The following KCNN2 variants were observed in gnomAD, a reference collection of about 807,000 sequenced individuals.
KCNN2 encodes the protein potassium calcium-activated channel subfamily N member 2.
A neutral mutation model predicts 55.5 loss-of-function variants in KCNN2; 24 were observed. The observed-to-expected ratio is 0.43, with a 90% CI of 0.31 to 0.61. The LOEUF (loss-of-function observed/expected upper bound fraction) is 0.61. Among genes scored for constraint, KCNN2 ranks in the 20% least tolerant of loss-of-function variants. KCNN2 has a pLI of 0.08. For synonymous variants in KCNN2, 431 were observed against 336.1 expected, an observed-to-expected ratio of 1.28 and a Z score of -3.09; for missense variants, 754 against 853.6, an observed-to-expected ratio of 0.88 and a Z score of 1.45.
At position 114,478,715 on chromosome 5, in the gene KCNN2, C is replaced by G. The variant is rs146542157; in HGVS notation, c.1890+5551C>G. On this transcript the variant is annotated intron_variant, in intron 5 of 7. Coordinates refer to ENST00000673685, the MANE Select transcript of KCNN2 (RefSeq NM_021614.4). ...AACAGTAGACCCCTCAGCAGAAATCCTACAAGGCAGAAGAGACTGGGGGCC... is the reference window on the plus strand; with the variant it reads ...AACAGTAGACCCCTCAGCAGAAATCGTACAAGGCAGAAGAGACTGGGGGCC... Among the ~76,000 whole-genome samples the G allele has an allele frequency of 1.6e-3, 248 of 152,194 alleles. 2 individuals are homozygous for G. The highest frequency in any genetic ancestry group is 5.9e-3 in the African/African-American group (245 of 41,534).
rs115693597 is a variant in KCNN2 at position 114,382,737 on chromosome 5, C to G, written c.1218+18736C>G. Among the ~76,000 whole-genome samples the G allele has an allele frequency of 5.7e-3, 872 of 152,172 alleles. 8 individuals carry two copies. Among genetic ancestry groups the G allele is most frequent in the African/African-American group, 0.02 (838 of 41,498 alleles). ...TTGTGCCACAAAATAAACTTTCTAC[C>G]AAAAAACAAATGGATGGATGGCGTC... On this transcript the variant is annotated intron_variant, in intron 2 of 7. Transcript: ENST00000673685.
chr5:114,160,491 G>A (rs1580572682), intron 1 of KCNN2, among the ~76,000 whole-genome samples: 2 of 152,242 alleles, frequency 1.3e-5, no homozygotes, highest in South Asian at 2.1e-4. Context: ...TTGATTTGGG[G>A]TGGAGAGTTC....
intron 2 of KCNN2, among the ~76,000 whole-genome samples, chr5:114,234,026 CTT>C (rs565192593): frequency 4.1e-5 from 6 of 145,218 alleles, no homozygotes; most frequent in Non-Finnish European, 3.0e-5. Flanking sequence ...TTGGCTCTAG[CTT>C]TTTTTTTTTG....
intron 2 of KCNN2, among the ~76,000 whole-genome samples, chr5:114,353,262 A>T (rs1216158802): frequency 1.3e-5 from 2 of 151,742 alleles, no homozygotes; most frequent in Non-Finnish European, 3.0e-5. Flanking sequence ...ATGTATTTAT[A>T]GAACTTGTTA....
rs1370193303 is a variant in KCNN2, at chr5:114,080,853, A to G, written c.-271+24353A>G. Reference sequence around the variant, plus strand: ...TGGAGCCATTAGGCAATAAGAAGAAATAAAAGACATCCAAATAGGAAAAGA... The same window carrying G: ...TGGAGCCATTAGGCAATAAGAAGAAGTAAAAGACATCCAAATAGGAAAAGA... On this transcript the variant is annotated intron_variant, in intron 1 of 10. Transcript: ENST00000512097. Among the ~76,000 whole-genome samples the G allele has an allele frequency of 3.3e-5, 5 of 152,178 alleles. No individual in the cohort carries two copies. In the East Asian group the frequency reaches 9.6e-4, roughly 29 times the overall value.
At chr5:114,210,954 A>G (rs1451990543) in intron 1 of KCNN2, among the ~76,000 whole-genome samples, 2 of 152,164 alleles carry the variant, frequency 1.3e-5, no homozygotes, top group African/African-American at 4.8e-5. Flanking sequence ...GCCAACAAGC[A>G]TATAAAAAAA....
intron 2 of KCNN2, among the ~76,000 whole-genome samples, chr5:114,256,596 G>C (rs1359874318): frequency 6.6e-6 from 1 of 151,766 alleles, no homozygotes; most frequent in Non-Finnish European, 1.5e-5. Context: ...GGTATTTCTT[G>C]GTTTTCATTG....
intron 3 of KCNN2, among the ~76,000 whole-genome samples, chr5:114,424,434 A>G (rs1029273649): frequency 2.6e-5 from 4 of 152,256 alleles, no homozygotes; most frequent in African/African-American, 4.8e-5. Flanking sequence ...TTGAGGTTCT[A>G]TGCTACTGAA....
chr5:114,284,591 C>T (rs190136315), intron 2 of KCNN2, among the ~76,000 whole-genome samples: 24 of 152,188 alleles, frequency 1.6e-4, no homozygotes, highest in African/African-American at 5.8e-4. Flanking sequence ...AGTCTTGGCT[C>T]ACTGCAATCT....
chr5:114,343,532 T>C (rs1227365770), intron 2 of KCNN2, among the ~76,000 whole-genome samples: 2 of 152,084 alleles, frequency 1.3e-5, no homozygotes, highest in Admixed American at 6.6e-5. Context: ...TAAAAAATAA[T>C]ACATACAGTA....
intron 3 of KCNN2, among the ~76,000 whole-genome samples, chr5:114,416,496 T>C (rs1759309552): frequency 6.6e-6 from 1 of 152,184 alleles, no homozygotes; most frequent in Non-Finnish European, 1.5e-5. Flanking sequence ...ATGATCACTG[T>C]GTGACTGTTC....
intron 2 of KCNN2, among the ~76,000 whole-genome samples, chr5:114,381,474 A>G (rs1470090974): frequency 6.6e-6 from 1 of 152,230 alleles, no homozygotes; most frequent in Non-Finnish European, 1.5e-5. Context: ...TAGGAGAGCC[A>G]TGAGAATCTA....
At chr5:114,271,854 C>T (rs1487899685) in intron 2 of KCNN2, among the ~76,000 whole-genome samples, 1 of 152,088 alleles carries the variant, frequency 6.6e-6, no homozygotes, top group African/African-American at 2.4e-5. Flanking sequence ...GTTGCATTTC[C>T]TCTTTGTCTC....
At chr5:114,355,980 C>T (rs1289437924) in intron 2 of KCNN2, among the ~76,000 whole-genome samples, 3 of 151,998 alleles carry the variant, frequency 2.0e-5, no homozygotes, top group Non-Finnish European at 4.4e-5. Flanking sequence ...ATGAAGTCAA[C>T]AAGAGGACAA....
intron 1 of KCNN2, among the ~76,000 whole-genome samples, chr5:114,141,220 TACTGC>T (rs2112504962): frequency 6.6e-6 from 1 of 152,252 alleles, no homozygotes; most frequent in African/African-American, 2.4e-5. Context: ...CATGTTGGTG[TACTGC>T]ACCCATTAAC....
intron 2 of KCNN2, among the ~76,000 whole-genome samples, chr5:114,307,841 C>T (rs1376109650): frequency 6.6e-6 from 1 of 152,070 alleles, no homozygotes; most frequent in Non-Finnish European, 1.5e-5. Context: ...CATCCAGCAG[C>T]ATATTAGGAC....
In KCNN2 at chr5:114,075,824, A is replaced by G. The variant is rs1444959514; in HGVS notation, c.-271+19324A>G. Among the ~76,000 whole-genome samples the G allele has an allele frequency of 3.3e-5, 5 of 152,236 alleles. No individual in the cohort carries two copies. The East Asian group carries it at 9.7e-4, about 29-fold the overall frequency. The stretch of plus-strand genomic sequence containing the variant: ...GCTGCAGACCCATGCTGCTACTTCT[A>G]TGTTGAGAAGCCTGGACCAGCCTAT... On this transcript the variant is annotated intron_variant, in intron 1 of 10. Coordinates refer to the KCNN2 transcript ENST00000512097.
At chr5:114,216,648 A>T (rs760828081) in intron 1 of KCNN2, among the ~76,000 whole-genome samples, 1 of 152,130 alleles carries the variant, frequency 6.6e-6, no homozygotes, top group Admixed American at 6.6e-5. Flanking sequence ...ATTGGTAGAG[A>T]ATATATACGA....
At chr5:114,079,374 A>G (rs1285131371) in intron 1 of KCNN2, among the ~76,000 whole-genome samples, 5 of 152,194 alleles carry the variant, frequency 3.3e-5, no homozygotes, top group African/African-American at 9.6e-5. Context: ...CAGTTATTCT[A>G]CTAGTGAGAT....
Sources: gnomAD v4.1 joint callset for allele counts (sites outside exome capture counted in the v4.1 genomes callset) on GRCh38, gnomAD v4.1.1 for gene constraint, MANE v1.5 for transcripts, NCBI Gene and HGNC (gene_info 2026-07-23, HGNC 2026-07-21) for gene names.